KCNIP1: variants seen among roughly 807,000 people sequenced by gnomAD.
KCNIP1 encodes potassium voltage-gated channel interacting protein 1, also known as A-type potassium channel modulatory protein KCNIP1.
In KCNIP1, 18 loss-of-function variants were observed where a neutral mutation model predicts 33.0. That is an observed-to-expected ratio of 0.55 (90% CI 0.38 to 0.81). KCNIP1 has a LOEUF of 0.81. Ranked by LOEUF, KCNIP1 falls within the 30% of genes least tolerant of loss-of-function variation. The probability of loss-of-function intolerance (pLI) is 0.00; values close to 1 mark genes in which losing one functional copy is unlikely to be tolerated. For synonymous variants in KCNIP1, 93 were observed against 98.3 expected (o/e 0.95, Z 0.32); for missense variants, 238 against 271.6 (o/e 0.88, Z 0.87).
intron 1 of KCNIP1, among the ~76,000 whole-genome samples, chr5:170,437,317 G>A (rs187042673): frequency 5.6e-4 from 85 of 152,292 alleles, no homozygotes; most frequent in African/African-American, 2.0e-3. Context: ...GTCAGAGAGC[G>A]ACCTTCCTTC....
intron 1 of KCNIP1, among the ~76,000 whole-genome samples, chr5:170,696,797 G>A (rs557131348): frequency 6.6e-6 from 1 of 152,174 alleles, no homozygotes; most frequent in Non-Finnish European, 1.5e-5. Context: ...TTGTATAGGA[G>A]AGATAAAACC....
intron 1 of KCNIP1, among the ~76,000 whole-genome samples, chr5:170,706,581 T>G (rs1763262946): frequency 6.6e-6 from 1 of 152,200 alleles, no homozygotes; most frequent in South Asian, 2.1e-4. Flanking sequence ...AATGAACTCC[T>G]CTTCTTCAGA....
chr5:170,586,545 G>A (rs556273270), intron 1 of KCNIP1, among the ~76,000 whole-genome samples: 30 of 152,274 alleles, frequency 2.0e-4, no homozygotes, highest in African/African-American at 6.3e-4. Context: ...ACACCCTGCC[G>A]GGTCCATGCC....
intron 1 of KCNIP1, chr5:170,483,293 C>G (rs1287327858): frequency 7.2e-6 from 2 of 276,714 alleles, no homozygotes; most frequent in African/African-American, 2.3e-5. Context: ...CCAACATTCC[C>G]TCCCCAGGAG....
intron 1 of KCNIP1, among the ~76,000 whole-genome samples, chr5:170,384,653 A>G (rs998875041): frequency 6.6e-6 from 1 of 152,220 alleles, no homozygotes; most frequent in African/African-American, 2.4e-5. Flanking sequence ...CAGGTCTGAG[A>G]CTTATCCTAA....
intron 1 of KCNIP1, chr5:170,378,898 G>A (rs1167024310): frequency 2.5e-6 from 4 of 1,614,250 alleles, no homozygotes; most frequent in Non-Finnish European, 3.4e-6. Flanking sequence ...TGCTGCTCTT[G>A]GAATTTGGCT....
At chr5:170,673,475 T>G (rs1468896037) in intron 1 of KCNIP1, among the ~76,000 whole-genome samples, 1 of 152,236 alleles carries the variant, frequency 6.6e-6, no homozygotes, top group African/African-American at 2.4e-5. Context: ...GTTTCACAGA[T>G]GAGGAAACTT....
chr5:170,390,517 A>AAAAAAAAAATATATATAT lies in KCNIP1; in HGVS notation c.88+36554_88+36555insAAAAAAAATATATATATA. On this transcript the variant is annotated intron_variant, in intron 1 of 7. Transcript: ENST00000377360. ...GACCCCGTCTCAAAAAAAAAAAACA[A>AAAAAAAAAATATATATAT]ATATATATATATATATATATATTTT... Among the ~76,000 whole-genome samples, 8 of 74,532 alleles carry AAAAAAAAAATATATATAT rather than the reference A, an allele frequency of 1.1e-4. 1 individual carries two copies. The highest frequency in any genetic ancestry group is 1.9e-4 in the African/African-American group (3 of 15,584). The allele number at this position is 74,532 out of a possible 152,430, so 48.9% of individuals were successfully genotyped here. A position where few individuals can be genotyped will look rare whatever the true frequency, so the allele number is the denominator to read the frequency against.
At chr5:170,627,035 T>C (rs1581415501) in intron 1 of KCNIP1, among the ~76,000 whole-genome samples, 3 of 151,990 alleles carry the variant, frequency 2.0e-5, no homozygotes, top group Admixed American at 2.0e-4. Flanking sequence ...CCCTGGCCGG[T>C]GTTCAGTGGG....
intron 1 of KCNIP1, among the ~76,000 whole-genome samples, chr5:170,367,382 A>AAAGAAAGG (rs1467275495): frequency 3.2e-5 from 4 of 125,376 alleles, no homozygotes; most frequent in Non-Finnish European, 6.7e-5. Context: ...AGAAAGAAAG[A>AAAGAAAGG]AAGAAAGAAA....
chr5:170,393,974 T>TG (rs1330619150), intron 1 of KCNIP1, among the ~76,000 whole-genome samples: 4 of 152,206 alleles, frequency 2.6e-5, no homozygotes, highest in Admixed American at 6.5e-5. Context: ...GTGCAAATCA[T>TG]CCCAGCTCTG....
intron 1 of KCNIP1, among the ~76,000 whole-genome samples, chr5:170,364,959 C>A (rs534840236): frequency 6.6e-6 from 1 of 152,278 alleles, no homozygotes; most frequent in Non-Finnish European, 1.5e-5. Flanking sequence ...GAACTACAGT[C>A]TCCTTGCTGT....
At chr5:170,480,269 C>A (rs1756948512) in intron 1 of KCNIP1, among the ~76,000 whole-genome samples, 1 of 152,136 alleles carries the variant, frequency 6.6e-6, no homozygotes, top group Non-Finnish European at 1.5e-5. Flanking sequence ...ATACAAATTT[C>A]TTTCAGAACC....
intron 1 of KCNIP1, among the ~76,000 whole-genome samples, chr5:170,708,232 A>C (rs1413561791): frequency 6.6e-6 from 1 of 152,232 alleles, no homozygotes; most frequent in Non-Finnish European, 1.5e-5. Context: ...CTGTCAATCA[A>C]AAAGATGATG....
intron 1 of KCNIP1, among the ~76,000 whole-genome samples, chr5:170,713,363 G>A (rs138225237): frequency 6.6e-6 from 1 of 152,312 alleles, no homozygotes; most frequent in East Asian, 1.9e-4. Context: ...TATGTGGTTT[G>A]TAGGTGGGAG....
intron 1 of KCNIP1, among the ~76,000 whole-genome samples, chr5:170,555,475 T>C: frequency 6.6e-6 from 1 of 152,216 alleles, no homozygotes; most frequent in Non-Finnish European, 1.5e-5. Flanking sequence ...AAACTGAGGC[T>C]GTAAGTGAGG....
At chr5:170,380,481 T>C (rs12518633) in intron 1 of KCNIP1, among the ~76,000 whole-genome samples, 3,982 of 152,282 alleles carry the variant, frequency 0.026, 117 homozygotes, top group African/African-American at 0.067. Context: ...TTATATGAGG[T>C]GCCACCCTGG....
At chr5:170,643,155 G>T (rs1208284553) in intron 1 of KCNIP1, among the ~76,000 whole-genome samples, 2 of 152,212 alleles carry the variant, frequency 1.3e-5, no homozygotes, top group African/African-American at 4.8e-5. Flanking sequence ...ACATGATGAT[G>T]AGTCAGAGGC....
At chr5:170,487,916 G>A (rs891179625) in intron 1 of KCNIP1, among the ~76,000 whole-genome samples, 1 of 152,136 alleles carries the variant, frequency 6.6e-6, no homozygotes, top group Non-Finnish European at 1.5e-5. Context: ...GTTCATGCTG[G>A]TTCACCTTCC....
Sources: gnomAD v4.1 joint callset for allele counts (sites outside exome capture counted in the v4.1 genomes callset) on GRCh38, gnomAD v4.1.1 for gene constraint, MANE v1.5 for transcripts, NCBI Gene and HGNC (gene_info 2026-07-23, HGNC 2026-07-21) for gene names.